Variants in PTK2 observed in about 807,000 individuals in gnomAD.
The protein encoded by PTK2 is protein tyrosine kinase 2.
PTK2 carries 45 observed loss-of-function variants against 150.1 expected under a neutral mutation model. That is an observed-to-expected ratio of 0.30 (90% CI 0.24 to 0.38). The LOEUF (loss-of-function observed/expected upper bound fraction) is 0.38. Among genes scored for constraint, PTK2 ranks in the 10% least tolerant of loss-of-function variants. The probability of loss-of-function intolerance (pLI) is 1.00; values close to 1 mark genes in which losing one functional copy is unlikely to be tolerated. For synonymous variants in PTK2, 432 were observed against 449.2 expected (o/e 0.96, Z 0.48); for missense variants, 919 against 1,307.3 (o/e 0.70, Z 4.58).
At chr8:140,879,678 A>C in intron 3 of PTK2, 41 bp from the exon 4 acceptor site, 1 of 950,624 alleles carries the variant, frequency 1.1e-6, no homozygotes. Flanking sequence ...TATAAACTGA[A>C]AAAAAAAAAA....
At position 140,700,975 on chromosome 8, in the gene PTK2, G is replaced by A. The variant is rs1480779430; in HGVS notation, c.2415C>T (p.Thr805=). The change falls in exon 26 of 32, where the codon ACC becomes ACT. Residue 805 remains threonine, a synonymous_variant. Transcript: ENST00000522684. ...GGATTAGACGCTCTTCCATCAGATG[G>A]GTTGGCAACACTTGCCCAATCCCTC... 3 of 1,613,932 alleles carry A rather than the reference G, an allele frequency of 1.9e-6. No homozygotes were observed. In the African/African-American group the frequency reaches 4.0e-5, roughly 22 times the overall value.
intron 22 of PTK2, among the ~76,000 whole-genome samples, chr8:140,729,757 C>T (rs1164820784): frequency 6.6e-6 from 1 of 152,124 alleles, no homozygotes; most frequent in Non-Finnish European, 1.5e-5. Flanking sequence ...TGACTTCTAG[C>T]CAATAAACAT....
At chr8:140,843,223 C>T (rs530524643) in intron 7 of PTK2, among the ~76,000 whole-genome samples, 7 of 152,282 alleles carry the variant, frequency 4.6e-5, no homozygotes, top group Non-Finnish European at 8.8e-5. Flanking sequence ...TCTCTCCAAA[C>T]ATACCATTCA....
rs373314205 is a variant in PTK2, at chr8:140,885,591, C to A, written c.195+4952G>T. On this transcript the variant is annotated intron_variant, in intron 3 of 31. Coordinates refer to ENST00000522684, the Ensembl canonical transcript of PTK2. ...AAGGGAGCATTCTTAGACTGGCATG[C>A]CCTGGCAGGCAGAGTTAGTAAGGGC... Among the ~76,000 whole-genome samples the A allele has an allele frequency of 4.6e-5, 7 of 152,262 alleles. No homozygotes were observed. In the East Asian group the frequency reaches 9.7e-4, roughly 21 times the overall value.
At chr8:140,945,184 C>T (rs150073065) in intron 1 of PTK2, among the ~76,000 whole-genome samples, 1 of 152,306 alleles carries the variant, frequency 6.6e-6, no homozygotes, top group South Asian at 2.1e-4. Context: ...GTAACCAATG[C>T]GTAAAGATTT....
chr8:140,683,581 C>T (rs987634098), intron 27 of PTK2, among the ~76,000 whole-genome samples: 15 of 152,048 alleles, frequency 9.9e-5, no homozygotes, highest in African/African-American at 3.6e-4. Flanking sequence ...CCCTGATGAA[C>T]ATAGATACAA....
intron 16 of PTK2, among the ~76,000 whole-genome samples, chr8:140,754,738 A>G (rs962266199): frequency 6.6e-5 from 10 of 152,250 alleles, no homozygotes; most frequent in African/African-American, 2.4e-4. Flanking sequence ...TATGAGGCTC[A>G]GCCTTCGGTT....
At chr8:140,719,002 CCCA>C (rs2100041308) in intron 22 of PTK2, among the ~76,000 whole-genome samples, 1 of 152,030 alleles carries the variant, frequency 6.6e-6, no homozygotes, top group South Asian at 2.1e-4. Flanking sequence ...ATAGTGAAAC[CCCA>C]CCTCTACTAA....
intron 1 of PTK2, among the ~76,000 whole-genome samples, chr8:140,956,899 T>TA (rs1412921371): frequency 2.0e-5 from 3 of 151,960 alleles, no homozygotes; most frequent in Non-Finnish European, 4.4e-5. Context: ...CTGTCTCTAC[T>TA]AAAAATATAA....
exon 10 of PTK2, chr8:140,818,279 T>A (rs2100105938): frequency 6.2e-7 from 1 of 1,612,326 alleles, no homozygotes. Flanking sequence ...AGACTTACAT[T>A]GCAGCCCTTG....
At chr8:140,756,721 G>A (rs901132969) in intron 16 of PTK2, among the ~76,000 whole-genome samples, 29 of 150,988 alleles carry the variant, frequency 1.9e-4, no homozygotes, top group Non-Finnish European at 3.8e-4. Context: ...GGGGCGCGGT[G>A]GCTCACGCCT....
At chr8:140,745,526 G>A (rs2100058193) in intron 18 of PTK2, among the ~76,000 whole-genome samples, 1 of 152,166 alleles carries the variant, frequency 6.6e-6, no homozygotes, top group African/African-American at 2.4e-5. Context: ...TGGTGGAGGA[G>A]GAAGAGATGT....
intron 11 of PTK2, among the ~76,000 whole-genome samples, chr8:140,801,184 A>G (rs896310903): frequency 2.0e-5 from 3 of 152,244 alleles, no homozygotes; most frequent in African/African-American, 7.2e-5. Context: ...ACGAGGCATC[A>G]GCCTAAGTGA....
chr8:140,778,494 T>G (rs1201396574), intron 14 of PTK2, among the ~76,000 whole-genome samples: 1 of 152,174 alleles, frequency 6.6e-6, no homozygotes, highest in Admixed American at 6.5e-5. Flanking sequence ...AGTCATCTAT[T>G]GTGAGATCAA....
intron 1 of PTK2, among the ~76,000 whole-genome samples, chr8:140,988,728 CAAAAAAAAAAA>C (rs71310814): frequency 2.9e-5 from 2 of 69,960 alleles, no homozygotes; most frequent in African/African-American, 1.1e-4. Flanking sequence ...GACTCCATCC[CAAAAAAAAAAA>C]AAAAAAAAAA....
At chr8:140,821,583 A>C (rs2100108588) in intron 8 of PTK2, 1 of 152,272 alleles carries the variant, frequency 6.6e-6, no homozygotes, top group African/African-American at 2.4e-5. Context: ...ATTTGGATCT[A>C]AGTCTGGAGC....
At chr8:140,752,435 C>T (rs574266493) in intron 16 of PTK2, 119 bp from the exon 20 acceptor site, 33 of 792,862 alleles carry the variant, frequency 4.2e-5, no homozygotes, top group East Asian at 1.1e-4. Flanking sequence ...AGAATCAGAA[C>T]GGCAAAATCT....
chr8:140,761,257 C>A (rs201222140), exon 16 of PTK2: 3 of 1,608,406 alleles, frequency 1.9e-6, no homozygotes, highest in Non-Finnish European at 2.6e-6. Flanking sequence ...ATCTCATAAT[C>A]CCTGGCTGTA....
chr8:140,709,242 A>G (rs1200766386), intron 23 of PTK2, among the ~76,000 whole-genome samples: 1 of 152,224 alleles, frequency 6.6e-6, no homozygotes, highest in East Asian at 1.9e-4. Flanking sequence ...AAACAAATAG[A>G]TCAGAGAATG....
Sources: allele counts gnomAD v4.1 joint callset (sites outside exome capture counted in the v4.1 genomes callset), GRCh38; gene constraint gnomAD v4.1.1; transcripts MANE v1.5; gene names NCBI Gene and HGNC (gene_info 2026-07-23, HGNC 2026-07-21).